ZNF100: variants seen among roughly 807,000 people sequenced by gnomAD.
The protein encoded by ZNF100 is zinc finger protein 100 (Y1).
ZNF100 carries 12 observed loss-of-function variants against 15.8 expected under a neutral mutation model. That is an observed-to-expected ratio of 0.76 (90% CI 0.49 to 1.23). The LOEUF (loss-of-function observed/expected upper bound fraction) is 1.23. Among genes scored for constraint, ZNF100 ranks in the 50% most tolerant of loss-of-function variants. The pLI is 0.00. For missense variants in ZNF100, 670 were observed against 635.6 expected, an observed-to-expected ratio of 1.05 and a Z score of -0.58; for synonymous variants, 226 against 214.8, an observed-to-expected ratio of 1.05 and a Z score of -0.45.
At chr19:21,743,228 A>AAAAAC (rs1421159634) in intron 4 of ZNF100, 1 of 152,240 alleles carries the variant, frequency 6.6e-6, no homozygotes, top group East Asian at 1.9e-4. Flanking sequence ...CTCCGTCTCA[A>AAAAAC]AAAACAAAAC....
intron 4 of ZNF100, among the ~76,000 whole-genome samples, chr19:21,742,139 T>C (rs1009855306): frequency 1.3e-5 from 2 of 151,822 alleles, no homozygotes; most frequent in African/African-American, 2.4e-5. Flanking sequence ...CTTCTAACAA[T>C]AGAAAAAATT....
chr19:21,730,100 GTCTT>G lies in ZNF100; in HGVS notation c.323-2115_323-2112del, dbSNP rs371023630. Among the ~76,000 whole-genome samples the G allele has an allele frequency of 2.2e-4, 34 of 152,032 alleles. No homozygotes were observed. The East Asian group carries it at 2.9e-3, about 13-fold the overall frequency. On this transcript the variant is annotated intron_variant, in intron 4 of 4. Coordinates refer to ENST00000358296, the MANE Select transcript of ZNF100 (RefSeq NM_173531.4). The stretch of plus-strand genomic sequence containing the variant: ...ACAATTAATAAAATAACATTAGTAT[GTCTT>G]TCTGTTTCAGAAAATTATTTAAATA...
chr19:21,757,854 G>A (rs1414475912), intron 2 of ZNF100, among the ~76,000 whole-genome samples: 2 of 152,018 alleles, frequency 1.3e-5, no homozygotes, highest in Non-Finnish European at 2.9e-5. Flanking sequence ...TGGGCAGCAT[G>A]GCAAAACCCC....
intron 4 of ZNF100, among the ~76,000 whole-genome samples, chr19:21,735,563 G>A (rs1005063222): frequency 3.0e-4 from 45 of 149,474 alleles, no homozygotes; most frequent in Non-Finnish European, 5.5e-4. Context: ...ACTCACTGGT[G>A]TGCTGTATTC....
At chr19:21,759,330 C>T (rs1001845771) in intron 2 of ZNF100, among the ~76,000 whole-genome samples, 1 of 152,110 alleles carries the variant, frequency 6.6e-6, no homozygotes, top group Non-Finnish European at 1.5e-5. Flanking sequence ...AAAGATGAAA[C>T]ATATAGATAA....
intron 4 of ZNF100, among the ~76,000 whole-genome samples, chr19:21,729,313 A>C (rs1368325325): frequency 3.9e-5 from 6 of 152,190 alleles, no homozygotes; most frequent in African/African-American, 1.4e-4. Context: ...AATTCTGAAA[A>C]GTATATTGGA....
At chr19:21,735,311 G>A (rs568942538) in intron 4 of ZNF100, among the ~76,000 whole-genome samples, 10 of 152,164 alleles carry the variant, frequency 6.6e-5, no homozygotes, top group East Asian at 3.9e-4. Context: ...TAGCTAACAC[G>A]GTGAAACCCC....
At chr19:21,749,108 G>C (rs1370670374) in intron 2 of ZNF100, among the ~76,000 whole-genome samples, 1 of 152,128 alleles carries the variant, frequency 6.6e-6, no homozygotes, top group Non-Finnish European at 1.5e-5. Flanking sequence ...TAGAGCAAAA[G>C]TTTCTGGATG....
chr19:21,749,327 C>T (rs1420569388), intron 2 of ZNF100, among the ~76,000 whole-genome samples: 3 of 151,518 alleles, frequency 2.0e-5, no homozygotes, highest in Non-Finnish European at 2.9e-5. Flanking sequence ...ATTTCTCTTA[C>T]ACCGAGACAG....
intron 2 of ZNF100, among the ~76,000 whole-genome samples, chr19:21,761,866 T>G (rs1319616534): frequency 6.6e-6 from 1 of 152,098 alleles, no homozygotes; most frequent in Non-Finnish European, 1.5e-5. Context: ...TTGGAGACAA[T>G]AGAGTTCACA....
rs372424975 is a variant in ZNF100, at chr19:21,749,001, C to T, written c.97-3934G>A. On this transcript the variant is annotated intron_variant, in intron 2 of 4. Transcript: ENST00000358296. Reference sequence around the variant, plus strand: ...GATTACAGGCGTGAGCCACTGCTCCCGACTGAAGAGGCCAAAGTTTTGTTT... The same window carrying T: ...GATTACAGGCGTGAGCCACTGCTCCTGACTGAAGAGGCCAAAGTTTTGTTT... Among the ~76,000 whole-genome samples the T allele has an allele frequency of 7.9e-5, 12 of 152,288 alleles. No individual in the cohort carries two copies. The East Asian group carries it at 1.5e-3, about 20-fold the overall frequency.
chr19:21,727,243 A>T lies in ZNF100; in HGVS notation c.1069T>A (p.Ser357Thr), dbSNP rs773858506. ...CEECGKAFNQSSTLTTHKITH... is the reference protein window; with the variant it reads ...CEECGKAFNQTSTLTTHKITH... ...ATCTTATGTGTAGTAAGGGTTGAGG[A>T]CTGGTTAAAGGCTTTGCCACATTCT... The change falls in exon 5 of 5, where the codon TCC becomes ACC. Residue 357 changes from serine to threonine, a missense_variant. By Grantham distance (58) the Ser-to-Thr change is moderately conservative. Coordinates refer to ENST00000358296, the MANE Select transcript of ZNF100 (RefSeq NM_173531.4). The T allele has an allele frequency of 1.2e-5, 20 of 1,613,496 alleles. No individual in the cohort carries two copies. Among genetic ancestry groups the T allele is most frequent in the Admixed American group, 1.7e-5 (1 of 59,974 alleles).
chr19:21,750,092 G>A (rs770417138), intron 2 of ZNF100, among the ~76,000 whole-genome samples: 8 of 152,084 alleles, frequency 5.3e-5, no homozygotes, highest in Admixed American at 5.2e-4. Context: ...AGTTCATCTG[G>A]GCCAAGCTTG....
At chr19:21,738,176 A>C (rs2036041577) in intron 4 of ZNF100, among the ~76,000 whole-genome samples, 1 of 143,582 alleles carries the variant, frequency 7.0e-6, no homozygotes, top group South Asian at 2.4e-4. Flanking sequence ...GCTTGAACCC[A>C]GGAGGTGGAG....
Position 21,724,194 on chromosome 19 carries a change from G to T in ZNF100, c.*2489C>A, listed in dbSNP as rs1046789499. 1 of 152,108 alleles carries T rather than the reference G, an allele frequency of 6.6e-6. No individual in the cohort carries two copies. Among genetic ancestry groups the T allele is most frequent in the African/African-American group, 2.4e-5 (1 of 41,434 alleles). The allele number at this position is 152,108 out of a possible 1,614,324, so 9.4% of individuals were successfully genotyped here. ...AGTAATAAATTCAATACAAAGCAGA[G>T]AATACATTTTCTTTTAGCATTTTTG... is the stretch of plus-strand genomic sequence containing the variant. On this transcript the variant is annotated 3_prime_UTR_variant, in exon 5 of 5. Coordinates refer to ENST00000358296, the MANE Select transcript of ZNF100 (RefSeq NM_173531.4).
intron 2 of ZNF100, 89 bp from the exon 3 acceptor site, chr19:21,745,156 C>A: frequency 6.6e-7 from 1 of 1,519,926 alleles, no homozygotes; most frequent in Non-Finnish European, 8.8e-7. Flanking sequence ...AATGACAGAG[C>A]AAAGAGAATT....
intron 2 of ZNF100, chr19:21,752,496 AT>A (rs2036325131): frequency 6.6e-6 from 1 of 152,664 alleles, no homozygotes; most frequent in Non-Finnish European, 1.5e-5. Flanking sequence ...GATGGATAAC[AT>A]TTGTCATTCA....
chr19:21,749,295 A>G (rs1303170728), intron 2 of ZNF100, among the ~76,000 whole-genome samples: 1 of 110,930 alleles, frequency 9.0e-6, no homozygotes, highest in African/African-American at 4.6e-5. Context: ...TGAAGGGAGA[A>G]AAAAAAAAAA....
At chr19:21,734,763 T>A (rs115055800) in intron 4 of ZNF100, among the ~76,000 whole-genome samples, 2,863 of 152,128 alleles carry the variant, frequency 0.019, 92 homozygotes, top group African/African-American at 0.063. Context: ...ATTATCAGAT[T>A]ATTCAAGTTT....
Sources: allele counts gnomAD v4.1 joint callset (sites outside exome capture counted in the v4.1 genomes callset), GRCh38; gene constraint gnomAD v4.1.1; transcripts MANE v1.5; gene names NCBI Gene and HGNC (gene_info 2026-07-23, HGNC 2026-07-21).